The following PCDHGB2 variants were observed in gnomAD, a reference collection of about 807,000 sequenced individuals.
PCDHGB2 encodes protocadherin gamma-B2.
In PCDHGB2, 55 loss-of-function variants were observed where a neutral mutation model predicts 59.3. The observed-to-expected ratio is 0.93, with a 90% confidence interval of 0.75 to 1.16. The LOEUF is 1.16. Ranked by LOEUF, PCDHGB2 falls within the 50% of genes most tolerant of loss-of-function variation. The pLI is 0.00. For missense variants in PCDHGB2, 1,228 were observed against 1,198.5 expected, an observed-to-expected ratio of 1.02 and a Z score of -0.36; for synonymous variants, 516 against 512.0, an observed-to-expected ratio of 1.01 and a Z score of -0.11.
chr5:141,415,514 C>G, intron 1 of PCDHGB2: 2 of 1,614,178 alleles, frequency 1.2e-6, no homozygotes, highest in Non-Finnish European at 8.5e-7. Flanking sequence ...CCCAATTATG[C>G]GGACACGCTC....
chr5:141,435,467 G>A (rs1019246812), intron 1 of PCDHGB2, among the ~76,000 whole-genome samples: 3 of 152,146 alleles, frequency 2.0e-5, no homozygotes, highest in Non-Finnish European at 2.9e-5. Context: ...GTGTTTCCAA[G>A]TTAGACATTT....
intron 1 of PCDHGB2, chr5:141,364,303 T>C: frequency 1.3e-6 from 2 of 1,521,756 alleles, no homozygotes; most frequent in South Asian, 1.3e-5. Context: ...GAACCAGAAC[T>C]AAGAGAAAAT....
chr5:141,432,717 C>T lies in PCDHGB2; in HGVS notation c.2422-62090C>T. On this transcript the variant is annotated intron_variant, in intron 1 of 3. Transcript: ENST00000522605. The surrounding 1 kb of genome is among the most constrained non-coding windows in gnomAD (Gnocchi z 6.0). ...GCCGTCCAGGACCACGGCCAGCCCC[C>T]TCTCTCCGCCACTGTCACGCTCACC... 1 of 1,614,030 alleles carries T rather than the reference C, an allele frequency of 6.2e-7. No individual in the cohort carries two copies. Among genetic ancestry groups the T allele is most frequent in the Non-Finnish European group, 8.5e-7 (1 of 1,179,978 alleles).
chr5:141,486,730 T>G lies in PCDHGB2; in HGVS notation c.2422-8077T>G, dbSNP rs775081505. On this transcript the variant is annotated intron_variant, in intron 1 of 3. Coordinates refer to ENST00000522605, the MANE Select transcript of PCDHGB2 (RefSeq NM_018923.3). This position sits in a 1 kb window ranked among gnomAD's most constrained non-coding sequence, Gnocchi z 5.0. ...ACCCCCAGACAGGAGCTGTTCATGC[T>G]ACTCGATCCTTTGACTATGAGCAAA... is the stretch of plus-strand genomic sequence containing the variant. 6.2e-7 allele frequency: 1 copy of G among 1,614,238 alleles called. No individual in the cohort carries two copies. The highest frequency in any genetic ancestry group is 8.5e-7 in the Non-Finnish European group (1 of 1,180,042).
chr5:141,408,661 G>A (rs1462103250), intron 1 of PCDHGB2: 1 of 1,613,770 alleles, frequency 6.2e-7, no homozygotes, highest in Non-Finnish European at 8.5e-7. Context: ...CACGACTATC[G>A]CTTGACCCTG....
At chr5:141,400,511 C>T (rs1456963604) in intron 1 of PCDHGB2, 2 of 1,613,824 alleles carry the variant, frequency 1.2e-6, no homozygotes, top group Admixed American at 3.3e-5. Flanking sequence ...GAGTCGACTT[C>T]CCATCCTGAG....
chr5:141,399,744 C>G (rs544697703), intron 1 of PCDHGB2: 1 of 1,613,320 alleles, frequency 6.2e-7, no homozygotes, highest in African/African-American at 1.3e-5. Context: ...CTGCGCTCAG[C>G]GCAAACGTGA....
Position 141,404,638 on chromosome 5 carries a change from C to T in PCDHGB2, c.2421+42082C>T, listed in dbSNP as rs776247476. On this transcript the variant is annotated intron_variant, in intron 1 of 3. Coordinates refer to ENST00000522605, the MANE Select transcript of PCDHGB2 (RefSeq NM_018923.3). Reference sequence around the variant, plus strand: ...ACCAGAATGACAATGCCCCAGAAATCCTGTACCCTGCCCTCCCCACTGATG... The same window carrying T: ...ACCAGAATGACAATGCCCCAGAAATTCTGTACCCTGCCCTCCCCACTGATG... 5 of 1,614,194 alleles carry T rather than the reference C, an allele frequency of 3.1e-6. No homozygotes were observed. In the South Asian group the frequency reaches 5.5e-5, roughly 18 times the overall value.
chr5:141,418,807 G>A (rs1400599346), intron 1 of PCDHGB2: 2 of 1,613,650 alleles, frequency 1.2e-6, no homozygotes, highest in African/African-American at 1.3e-5. Context: ...AAAGATATAC[G>A]ATAAACATAG....
At chr5:141,380,024 C>T (rs1326280237) in intron 1 of PCDHGB2, among the ~76,000 whole-genome samples, 1 of 150,698 alleles carries the variant, frequency 6.6e-6, no homozygotes, top group Non-Finnish European at 1.5e-5. Flanking sequence ...CTCAGCCTCC[C>T]AAGTAGCTGG....
At position 141,404,150 on chromosome 5, in the gene PCDHGB2, G is replaced by A. The variant is rs1325217999; in HGVS notation, c.2421+41594G>A. ...TTTTACATTAGAAAATTCAGAAGAA[G>A]ATTATTACAGATTGTTGACGGCCCA... is the stretch of plus-strand genomic sequence containing the variant. On this transcript the variant is annotated intron_variant, in intron 1 of 3. Coordinates refer to ENST00000522605, the MANE Select transcript of PCDHGB2 (RefSeq NM_018923.3). 5.0e-6 allele frequency: 8 copies of A among 1,612,830 alleles called. 1 individual carries two copies. In the Middle Eastern group the frequency reaches 6.6e-4, roughly 133 times the overall value.
chr5:141,391,560 T>C (rs981712066), intron 1 of PCDHGB2: 2 of 152,242 alleles, frequency 1.3e-5, no homozygotes, highest in African/African-American at 4.8e-5. Context: ...GTTTTCCATA[T>C]GCATAAGAAA....
intron 1 of PCDHGB2, among the ~76,000 whole-genome samples, chr5:141,464,630 T>C (rs981288560): frequency 1.3e-5 from 2 of 152,176 alleles, no homozygotes; most frequent in African/African-American, 4.8e-5. Context: ...AGCTTTTTAA[T>C]TGTTGCCAAC....
chr5:141,393,565 T>G, intron 1 of PCDHGB2: 1 of 1,613,912 alleles, frequency 6.2e-7, no homozygotes, highest in Non-Finnish European at 8.5e-7. Context: ...CGAGTGAAAG[T>G]CCTTGAGAAC....
intron 1 of PCDHGB2, chr5:141,428,368 C>A (rs1403173774): frequency 1.3e-5 from 7 of 544,884 alleles, no homozygotes; most frequent in Non-Finnish European, 2.4e-5. Flanking sequence ...GGTCGCCTTG[C>A]ACCTGCGATG....
At chr5:141,507,003 G>A (rs569257489) in intron 3 of PCDHGB2, 3 of 152,342 alleles carry the variant, frequency 2.0e-5, no homozygotes, top group African/African-American at 7.2e-5. Context: ...CGACAGATGA[G>A]AGAACCGAGA....
chr5:141,459,259 G>T (rs996530664), intron 1 of PCDHGB2, among the ~76,000 whole-genome samples: 1 of 152,140 alleles, frequency 6.6e-6, no homozygotes, highest in Non-Finnish European at 1.5e-5. Context: ...ATAAATTAGT[G>T]TTGCCTCTTT....
chr5:141,421,933 G>A (rs1310432014), intron 1 of PCDHGB2: 1 of 1,613,446 alleles, frequency 6.2e-7, no homozygotes, highest in Non-Finnish European at 8.5e-7. Flanking sequence ...GGTCCTCGAT[G>A]TAAATGATCA....
chr5:141,375,705 C>T, intron 1 of PCDHGB2: 7 of 1,614,280 alleles, frequency 4.3e-6, no homozygotes, highest in Non-Finnish European at 5.9e-6. Context: ...GGGGACCCGC[C>T]TCTTAGCAGC....
Sources: gnomAD v4.1 joint callset for allele counts (sites outside exome capture counted in the v4.1 genomes callset) on GRCh38, gnomAD v4.1.1 for gene constraint, Gnocchi (gnomAD v3.1) non-coding constraint, MANE v1.5 for transcripts, NCBI Gene and HGNC (gene_info 2026-07-23, HGNC 2026-07-21) for gene names.